The following DLGAP2 variants were observed in gnomAD, a reference collection of about 807,000 sequenced individuals.
The protein encoded by DLGAP2 is DLG associated protein 2, also known as disks large-associated protein 2.
A neutral mutation model predicts 100.3 loss-of-function variants in DLGAP2; 26 were observed. That is an observed-to-expected ratio of 0.26 (90% CI 0.19 to 0.36). The LOEUF (loss-of-function observed/expected upper bound fraction) is 0.36, where lower values mean the gene tolerates loss of function less well. DLGAP2 is among the 10% of genes least tolerant of loss of function. The probability of loss-of-function intolerance (pLI) is 1.00; values close to 1 mark genes in which losing one functional copy is unlikely to be tolerated. For synonymous variants in DLGAP2, 886 were observed against 630.1 expected, an observed-to-expected ratio of 1.41 and a Z score of -6.08; for missense variants, 1,858 against 1,453.2, an observed-to-expected ratio of 1.28 and a Z score of -4.53.
intron 6 of DLGAP2, among the ~76,000 whole-genome samples, chr8:1,614,627 C>G (rs1797090262): frequency 1.3e-5 from 2 of 152,254 alleles, no homozygotes; most frequent in South Asian, 4.1e-4. Flanking sequence ...GGCACAGCCT[C>G]TGCCTCTGCA....
chr8:1,532,425 A>G (rs1801015440), intron 4 of DLGAP2, among the ~76,000 whole-genome samples: 1 of 152,168 alleles, frequency 6.6e-6, no homozygotes, highest in Non-Finnish European at 1.5e-5. Flanking sequence ...AAGCAATACG[A>G]GATTGGTTTT....
chr8:1,462,118 G>A (rs1357664369), intron 3 of DLGAP2, among the ~76,000 whole-genome samples: 14 of 34,160 alleles, frequency 4.1e-4, no homozygotes, highest in African/African-American at 5.7e-4. Context: ...TCGCTGATTC[G>A]ATGACCAGGA....
rs188196462 is a variant in DLGAP2, at chr8:1,194,159, G to T, written c.74-64692G>T. ...AAGACACAGTCCCTACCCTTGAGGGGCGGGGGAATTTTAAAGAAGAAACTG... is the reference window on the plus strand; with the variant it reads ...AAGACACAGTCCCTACCCTTGAGGGTCGGGGGAATTTTAAAGAAGAAACTG... On this transcript the variant is annotated intron_variant, in intron 2 of 14. Coordinates refer to ENST00000637795, the MANE Select transcript of DLGAP2 (RefSeq NM_001346810.2). 2.5e-3 allele frequency among the ~76,000 whole-genome samples: 383 copies of T among 152,200 alleles called. 9 individuals carry two copies. The South Asian group carries it at 0.039, about 15-fold the overall frequency.
intron 8 of DLGAP2, among the ~76,000 whole-genome samples, chr8:1,665,740 C>T (rs536805887): frequency 6.6e-6 from 1 of 152,232 alleles, no homozygotes; most frequent in Non-Finnish European, 1.5e-5. Flanking sequence ...GCAGCGGACA[C>T]CGGGCCTGCC....
At chr8:1,319,579 C>T (rs142185045) in intron 3 of DLGAP2, among the ~76,000 whole-genome samples, 3 of 152,208 alleles carry the variant, frequency 2.0e-5, no homozygotes, top group African/African-American at 7.2e-5. Flanking sequence ...AGCTTGTATT[C>T]TCCTAGGAAG....
chr8:1,473,295 G>A (rs1479497202), intron 3 of DLGAP2, among the ~76,000 whole-genome samples: 2 of 152,178 alleles, frequency 1.3e-5, no homozygotes, highest in African/African-American at 2.4e-5. Flanking sequence ...ATGCCCTTCA[G>A]GGGCTGAGTA....
At chr8:1,408,576 T>C (rs1239877113) in intron 3 of DLGAP2, among the ~76,000 whole-genome samples, 2 of 152,210 alleles carry the variant, frequency 1.3e-5, no homozygotes, top group Non-Finnish European at 2.9e-5. Flanking sequence ...CACACGGTGT[T>C]AACTGTTCGG....
intron 2 of DLGAP2, among the ~76,000 whole-genome samples, chr8:946,363 A>C (rs901191226): frequency 6.7e-6 from 1 of 150,172 alleles, no homozygotes; most frequent in African/African-American, 2.5e-5. Flanking sequence ...TCCCGGGTTC[A>C]CACCATTCTT....
chr8:1,533,392 G>A (rs897699257), intron 4 of DLGAP2, among the ~76,000 whole-genome samples: 3 of 151,880 alleles, frequency 2.0e-5, no homozygotes, highest in Non-Finnish European at 4.4e-5. Context: ...TGTAGTCCGA[G>A]CTACTCGGCA....
chr8:1,200,863 G>A (rs940294025), intron 2 of DLGAP2, among the ~76,000 whole-genome samples: 3 of 152,198 alleles, frequency 2.0e-5, no homozygotes, highest in African/African-American at 4.8e-5. Flanking sequence ...GTTTGGCATC[G>A]AACGATGCGT....
chr8:1,136,449 T>C (rs375914573), intron 2 of DLGAP2, among the ~76,000 whole-genome samples: 1 of 152,310 alleles, frequency 6.6e-6, no homozygotes, highest in East Asian at 1.9e-4. Context: ...TGGCTCCCCA[T>C]ACAGGCCGGG....
At position 1,258,837 on chromosome 8, in the gene DLGAP2, G is replaced by C. The variant is rs1799283125; in HGVS notation, c.74-14G>C. On this transcript the variant is annotated splice_polypyrimidine_tract_variant and intron_variant, in intron 2 of 14. Coordinates refer to ENST00000637795, the MANE Select transcript of DLGAP2 (RefSeq NM_001346810.2). Reference sequence around the variant, plus strand: ...CCTGTGGGTGTAACAGCTTCTCTCTGTCTCTGTTTTCAGAGTCGCAGTGCA... The same window carrying C: ...CCTGTGGGTGTAACAGCTTCTCTCTCTCTCTGTTTTCAGAGTCGCAGTGCA... The C allele has an allele frequency of 8.1e-7, 1 of 1,231,734 alleles. No homozygotes were observed. The highest frequency in any genetic ancestry group is 1.0e-6 in the Non-Finnish European group (1 of 987,988). The allele number at this position is 1,231,734 out of a possible 1,614,324, so 76.3% of individuals were successfully genotyped here. A position where few individuals can be genotyped will look rare whatever the true frequency, so the allele number is the denominator to read the frequency against.
At chr8:1,462,137 A>G (rs1798478638) in intron 3 of DLGAP2, among the ~76,000 whole-genome samples, 1 of 37,952 alleles carries the variant, frequency 2.6e-5, no homozygotes, top group Non-Finnish European at 4.2e-5. Context: ...GAGGAGGGAG[A>G]AGGGTGGCAT....
Position 804,066 on chromosome 8 carries a change from G to A in DLGAP2, c.18+66241G>A, listed in dbSNP as rs543632970. On this transcript the variant is annotated intron_variant, in intron 1 of 14. Coordinates refer to ENST00000637795, the MANE Select transcript of DLGAP2 (RefSeq NM_001346810.2). ...GCGAGAGTGGTGTTGGTTCAGAATA[G>A]GAAAAGGCCTCTCTGTTGTAGGTGA... is the stretch of plus-strand genomic sequence containing the variant. Among the ~76,000 whole-genome samples, 6 of 152,256 alleles carry A rather than the reference G, an allele frequency of 3.9e-5. No homozygotes were observed. In the East Asian group the frequency reaches 1.2e-3, roughly 29 times the overall value.
At chr8:822,822 C>T (rs1428215233) in intron 1 of DLGAP2, among the ~76,000 whole-genome samples, 2 of 152,176 alleles carry the variant, frequency 1.3e-5, no homozygotes, top group African/African-American at 4.8e-5. Context: ...ACAGTGACCA[C>T]TGCTGGGTGC....
At chr8:954,015 C>T (rs962451085) in intron 2 of DLGAP2, among the ~76,000 whole-genome samples, 1 of 152,150 alleles carries the variant, frequency 6.6e-6, no homozygotes, top group African/African-American at 2.4e-5. Flanking sequence ...TTGGAGACAC[C>T]AGCAAGCAGC....
At chr8:1,237,039 A>G (rs1376322610) in intron 2 of DLGAP2, among the ~76,000 whole-genome samples, 11 of 128,748 alleles carry the variant, frequency 8.5e-5, no homozygotes, top group East Asian at 6.9e-4. Flanking sequence ...CATCGTGTCT[A>G]GTTCTCTCAC....
At chr8:1,298,369 C>T (rs1009143612) in intron 3 of DLGAP2, among the ~76,000 whole-genome samples, 1 of 152,196 alleles carries the variant, frequency 6.6e-6, no homozygotes, top group African/African-American at 2.4e-5. Flanking sequence ...ACATGATGGC[C>T]CCGCACCTGG....
chr8:816,545 A>G (rs1004227107), intron 1 of DLGAP2, among the ~76,000 whole-genome samples: 1 of 152,216 alleles, frequency 6.6e-6, no homozygotes, highest in Non-Finnish European at 1.5e-5. Context: ...GGCTAAAAAT[A>G]GTACCCCAGT....
Sources: allele counts gnomAD v4.1 joint callset (sites outside exome capture counted in the v4.1 genomes callset), GRCh38; gene constraint gnomAD v4.1.1; transcripts MANE v1.5; gene names NCBI Gene and HGNC (gene_info 2026-07-23, HGNC 2026-07-21).